The following RAD50 variants were observed in gnomAD, a reference collection of about 807,000 sequenced individuals.
RAD50 encodes DNA repair protein RAD50.
In RAD50, 132 loss-of-function variants were observed where a neutral mutation model predicts 168.8. The ratio of observed to expected loss-of-function variants is 0.78; its 90% CI spans 0.68 to 0.90. RAD50 has a LOEUF of 0.90. Ranked by LOEUF, RAD50 falls within the 40% of genes least tolerant of loss-of-function variation. The pLI is 0.00. For missense variants in RAD50, 1,347 were observed against 1,534.4 expected, an observed-to-expected ratio of 0.88 and a Z score of 2.04; for synonymous variants, 525 against 497.4, an observed-to-expected ratio of 1.06 and a Z score of -0.74.
At chr5:132,604,160 A>G (rs1405077956) in intron 15 of RAD50, 114 bp downstream of exon 15, 8 of 1,286,764 alleles carry the variant, frequency 6.2e-6, no homozygotes, top group Non-Finnish European at 7.7e-6. Context: ...TCCTGTCCAC[A>G]TATATTTGCT....
chr5:132,613,102 A>AT (rs1751114776), intron 19 of RAD50, among the ~76,000 whole-genome samples: 1 of 151,842 alleles, frequency 6.6e-6, no homozygotes. Context: ...AATGCAGCTA[A>AT]TTTTTATGTT....
chr5:132,604,104 C>G (rs1750938386), intron 15 of RAD50, 58 bp downstream of exon 15: 3 of 1,587,408 alleles, frequency 1.9e-6, no homozygotes, highest in Admixed American at 1.7e-5. Context: ...GAGCACATGC[C>G]TTTTACAGTC....
rs1060504385 is a variant in RAD50 at position 132,587,630 on chromosome 5, G to A, written c.825G>A (p.Leu275=). 1.9e-6 allele frequency: 3 copies of A among 1,613,664 alleles called. No homozygotes were observed. Among genetic ancestry groups the A allele is most frequent in the Non-Finnish European group, 2.5e-6 (3 of 1,179,874 alleles). Reference sequence around the variant, plus strand: ...AACTTGACAATGAAATTAAAGCCTTGGATAGCCGAAAGAAGCAAATGGAGA... The same window carrying A: ...AACTTGACAATGAAATTAAAGCCTTAGATAGCCGAAAGAAGCAAATGGAGA... ...IMKLDNEIKA[L]DSRKKQMEKD... Residue 275 remains leucine (L), a synonymous_variant, in exon 6 of 25, where the codon TTG becomes TTA. Transcript: ENST00000378823.
In RAD50 at chr5:132,638,091, C is replaced by T. The variant is rs864622078; in HGVS notation, c.3486C>T (p.Tyr1162=). 10 of 1,613,930 alleles carry T rather than the reference C, an allele frequency of 6.2e-6. No homozygotes were observed. In the African/African-American group the frequency reaches 1.3e-4, roughly 22 times the overall value. ...RSTYRGQDIE[Y]IEIRSDADEN... is the part of the protein sequence containing the mutation. ...TTCTTCCTGTGTCAGATATTGAATACATAGAAATACGGTCTGATGCCGATG... is the reference window on the plus strand; with the variant it reads ...TTCTTCCTGTGTCAGATATTGAATATATAGAAATACGGTCTGATGCCGATG... Residue 1162 remains tyrosine, a synonymous_variant, in exon 23 of 25, where the codon TAC becomes TAT. Transcript: ENST00000378823.
At chr5:132,567,288 T>C (rs758824848) in intron 2 of RAD50, among the ~76,000 whole-genome samples, 30 of 152,290 alleles carry the variant, frequency 2.0e-4, no homozygotes, top group Non-Finnish European at 4.0e-4. Flanking sequence ...TGGAAAAGTA[T>C]GTGAAACAAC....
intron 13 of RAD50, among the ~76,000 whole-genome samples, chr5:132,597,181 A>G (rs1241848881): frequency 6.6e-6 from 1 of 152,170 alleles, no homozygotes; most frequent in Non-Finnish European, 1.5e-5. Context: ...CAGGAGAGTG[A>G]AAGTGATTGT....
chr5:132,602,956 G>C (rs1434436167), intron 13 of RAD50, among the ~76,000 whole-genome samples: 1 of 152,134 alleles, frequency 6.6e-6, no homozygotes, highest in Non-Finnish European at 1.5e-5. Context: ...AATAATTATT[G>C]CAAGCAAGAT....
chr5:132,596,811 C>G (rs948640559), intron 13 of RAD50, among the ~76,000 whole-genome samples: 2 of 152,122 alleles, frequency 1.3e-5, no homozygotes, highest in Admixed American at 1.3e-4. Flanking sequence ...AGGGAGGAGC[C>G]AATGGATACA....
At chr5:132,605,290 A>C (rs112478070) in intron 16 of RAD50, among the ~76,000 whole-genome samples, 1 of 151,872 alleles carries the variant, frequency 6.6e-6, no homozygotes, top group Non-Finnish European at 1.5e-5. Flanking sequence ...TGATCCGCCT[A>C]CCTTGGCCTC....
At chr5:132,579,617 A>T in intron 4 of RAD50, 115 bp downstream of exon 4, 1 of 1,090,952 alleles carries the variant, frequency 9.2e-7, no homozygotes, top group Non-Finnish European at 1.4e-6. Flanking sequence ...ATCAGTTACT[A>T]CCTCTCATCC....
intron 1 of RAD50, 70 bp downstream of exon 1, chr5:132,557,523 G>A (rs2149830264): frequency 6.3e-7 from 1 of 1,595,724 alleles, no homozygotes; most frequent in Non-Finnish European, 8.6e-7. Flanking sequence ...GGGAAGTTGA[G>A]AACTCTCCTT....
At chr5:132,602,812 G>A (rs1233085606) in intron 13 of RAD50, among the ~76,000 whole-genome samples, 2 of 152,088 alleles carry the variant, frequency 1.3e-5, no homozygotes, top group African/African-American at 2.4e-5. Context: ...ATCCCACGTA[G>A]CATCTAGTTG....
intron 1 of RAD50, 43 bp downstream of exon 1, chr5:132,557,496 C>G (rs1367721862): frequency 1.2e-6 from 2 of 1,611,826 alleles, no homozygotes; most frequent in Middle Eastern, 3.3e-4. Context: ...GTCGCTACAT[C>G]TTTCGGAGAA....
At chr5:132,599,261 C>T (rs1750845072) in intron 13 of RAD50, among the ~76,000 whole-genome samples, 1 of 152,102 alleles carries the variant, frequency 6.6e-6, no homozygotes, top group African/African-American at 2.4e-5. Context: ...ACAGGAAGCA[C>T]TGAAAATGGA....
intron 2 of RAD50, among the ~76,000 whole-genome samples, chr5:132,562,321 G>A (rs1750137040): frequency 1.3e-5 from 2 of 152,150 alleles, no homozygotes; most frequent in African/African-American, 4.8e-5. Flanking sequence ...TCCGTAGGTA[G>A]CAAAGATAGG....
chr5:132,585,469 G>A (rs1455983209), intron 5 of RAD50, among the ~76,000 whole-genome samples: 1 of 151,826 alleles, frequency 6.6e-6, no homozygotes. Context: ...TATTGATTTT[G>A]AGCATCTTTT....
intron 1 of RAD50, among the ~76,000 whole-genome samples, chr5:132,558,233 A>G (rs1474127902): frequency 2.0e-5 from 3 of 152,200 alleles, no homozygotes; most frequent in Non-Finnish European, 4.4e-5. Context: ...TATTTGTTGA[A>G]TGCTTGTTAT....
At chr5:132,569,203 A>G (rs1456362025) in intron 2 of RAD50, among the ~76,000 whole-genome samples, 1 of 152,224 alleles carries the variant, frequency 6.6e-6, no homozygotes, top group Non-Finnish European at 1.5e-5. Context: ...ATATGCTCAT[A>G]GATATAAAGG....
At chr5:132,609,019 C>G (rs189126718) in intron 17 of RAD50, 98 bp from the exon 18 acceptor site, 2 of 1,517,204 alleles carry the variant, frequency 1.3e-6, no homozygotes, top group Admixed American at 2.1e-5. Context: ...GAAACTGGAA[C>G]CCAATGTTCA....
Sources: gnomAD v4.1 joint callset for allele counts (sites outside exome capture counted in the v4.1 genomes callset) on GRCh38, gnomAD v4.1.1 for gene constraint, MANE v1.5 for transcripts, NCBI Gene and HGNC (gene_info 2026-07-23, HGNC 2026-07-21) for gene names.